GAB2: variants seen among roughly 807,000 people sequenced by gnomAD.
The protein encoded by GAB2 is GRB2 associated binding protein 2.
Under a neutral mutation model 65.5 loss-of-function variants are expected in GAB2, and 26 were observed. The ratio of observed to expected loss-of-function variants is 0.40; its 90% confidence interval spans 0.29 to 0.55. The LOEUF is 0.55. Among genes scored for constraint, GAB2 ranks in the 20% least tolerant of loss-of-function variants. The pLI is 0.53. For missense variants in GAB2, 884 were observed against 875.8 expected, an observed-to-expected ratio of 1.01 and a Z score of -0.12; for synonymous variants, 321 against 329.6, an observed-to-expected ratio of 0.97 and a Z score of 0.28.
At chr11:78,280,997 A>G in intron 1 of GAB2, 96 bp from the exon 2 acceptor site, 1 of 999,926 alleles carries the variant, frequency 1.0e-6, no homozygotes, top group Non-Finnish European at 1.5e-6. Flanking sequence ...CCTGTTGCCC[A>G]GGCTGGAGTG....
intron 2 of GAB2, among the ~76,000 whole-genome samples, chr11:78,252,644 C>A (rs1030449688): frequency 6.6e-6 from 1 of 152,122 alleles, no homozygotes; most frequent in South Asian, 2.1e-4. Flanking sequence ...GACTCTCCAG[C>A]GGGTAATCCT....
At chr11:78,224,560 T>C (rs1220720793) in intron 5 of GAB2, among the ~76,000 whole-genome samples, 1 of 152,200 alleles carries the variant, frequency 6.6e-6, no homozygotes, top group Non-Finnish European at 1.5e-5. Flanking sequence ...TGCCGTGACA[T>C]ACAACTAAGC....
chr11:78,295,295 T>A (rs1866796318), intron 1 of GAB2, among the ~76,000 whole-genome samples: 2 of 152,198 alleles, frequency 1.3e-5, no homozygotes, highest in Admixed American at 1.3e-4. Context: ...CTTTCCTCAT[T>A]TAAGGTAACT....
chr11:78,391,408 G>A (rs953022642), intron 1 of GAB2, among the ~76,000 whole-genome samples: 1 of 152,196 alleles, frequency 6.6e-6, no homozygotes, highest in African/African-American at 2.4e-5. Context: ...GTGGACTTGT[G>A]ACTCCTTCAA....
intron 1 of GAB2, among the ~76,000 whole-genome samples, chr11:78,290,217 A>G (rs937399663): frequency 6.6e-5 from 10 of 152,212 alleles, no homozygotes; most frequent in African/African-American, 2.4e-4. Context: ...ACAAAAGACA[A>G]TGAAAGTCAC....
chr11:78,300,811 C>T (rs1183496330), intron 1 of GAB2, among the ~76,000 whole-genome samples: 1 of 151,496 alleles, frequency 6.6e-6, no homozygotes. Flanking sequence ...TCTCCAGCCT[C>T]AGCCTCCCAA....
intron 3 of GAB2, among the ~76,000 whole-genome samples, chr11:78,245,223 AGATT>A (rs895814260): frequency 3.9e-5 from 6 of 152,184 alleles, no homozygotes; most frequent in Admixed American, 3.9e-4. Context: ...AGATTTCTGG[AGATT>A]GATTATATAA....
chr11:78,246,699 A>C lies in GAB2; in HGVS notation c.620+3458T>G, dbSNP rs549008079. On this transcript the variant is annotated intron_variant, in intron 3 of 9. Coordinates refer to ENST00000361507, the MANE Select transcript of GAB2 (RefSeq NM_080491.3). ...TTTTTAGTAGAGATGGGGTTTCACCATGTTGGCCAGTCTGATCTTCAACTC... is the reference window on the plus strand; with the variant it reads ...TTTTTAGTAGAGATGGGGTTTCACCCTGTTGGCCAGTCTGATCTTCAACTC... Among the ~76,000 whole-genome samples the C allele has an allele frequency of 9.2e-5, 14 of 152,226 alleles. No homozygotes were observed. In the South Asian group the frequency reaches 1.0e-3, roughly 11 times the overall value.
At chr11:78,360,129 C>T (rs937992022) in intron 1 of GAB2, among the ~76,000 whole-genome samples, 2 of 151,954 alleles carry the variant, frequency 1.3e-5, no homozygotes, top group Non-Finnish European at 2.9e-5. Flanking sequence ...CACCGGAAGC[C>T]AAAAGAGGCA....
At chr11:78,310,513 C>CA (rs11285625) in intron 1 of GAB2, among the ~76,000 whole-genome samples, 1,000 of 74,248 alleles carry the variant, frequency 0.013, 6 homozygotes, top group African/African-American at 0.019. Context: ...GACTCTGTCT[C>CA]AAAAAAAAAA....
intron 3 of GAB2, among the ~76,000 whole-genome samples, chr11:78,245,620 G>A (rs1043881998): frequency 1.3e-5 from 2 of 152,206 alleles, no homozygotes; most frequent in African/African-American, 4.8e-5. Flanking sequence ...AAAACCAGGT[G>A]AAAACCTCAC....
intron 1 of GAB2, among the ~76,000 whole-genome samples, chr11:78,417,220 T>TGAG (rs1434461144): frequency 2.3e-4 from 35 of 151,822 alleles, no homozygotes; most frequent in African/African-American, 8.2e-4. Context: ...TGTGGGGCCG[T>TGAG]CCGCGCGGCC....
At chr11:78,339,295 G>T (rs536701698) in intron 1 of GAB2, among the ~76,000 whole-genome samples, 1 of 152,186 alleles carries the variant, frequency 6.6e-6, no homozygotes, top group East Asian at 1.9e-4. Context: ...TTGAAATCCA[G>T]AAAAATATAA....
intron 1 of GAB2, among the ~76,000 whole-genome samples, chr11:78,345,524 C>T (rs1290132424): frequency 2.0e-5 from 3 of 152,166 alleles, no homozygotes; most frequent in African/African-American, 7.2e-5. Flanking sequence ...TCAACACACA[C>T]ATTTTGTAAT....
At position 78,233,595 on chromosome 11, in the gene GAB2, G is replaced by A. The variant is rs191677880; in HGVS notation, c.621-6544C>T. 1.3e-4 allele frequency among the ~76,000 whole-genome samples: 20 copies of A among 151,894 alleles called. No individual in the cohort carries two copies. The East Asian group carries it at 3.1e-3, about 23-fold the overall frequency. ...AGATATGCGCGTTGAATATTTTCTCGCATTTTGTGATTTGTCTTTTTTTTT... is the reference window on the plus strand; with the variant it reads ...AGATATGCGCGTTGAATATTTTCTCACATTTTGTGATTTGTCTTTTTTTTT... On this transcript the variant is annotated intron_variant, in intron 3 of 9. Transcript: ENST00000361507.
Position 78,286,147 on chromosome 11 carries a change from G to A in GAB2, c.76-5246C>T, listed in dbSNP as rs115430124. Among the ~76,000 whole-genome samples, 1,339 of 152,146 alleles carry A rather than the reference G, an allele frequency of 8.8e-3. 19 individuals are homozygous for A. The highest frequency in any genetic ancestry group is 0.03 in the African/African-American group (1,255 of 41,494). On this transcript the variant is annotated intron_variant, in intron 1 of 9. Coordinates refer to ENST00000361507, the MANE Select transcript of GAB2 (RefSeq NM_080491.3). Reference sequence around the variant, plus strand: ...GCTGAGGATACAGCATGAATTCCTCGTCTCACAGAATTTACAGGAGCACTA... The same window carrying A: ...GCTGAGGATACAGCATGAATTCCTCATCTCACAGAATTTACAGGAGCACTA...
intron 3 of GAB2, among the ~76,000 whole-genome samples, chr11:78,242,809 A>G (rs1865177750): frequency 6.6e-6 from 1 of 152,224 alleles, no homozygotes; most frequent in South Asian, 2.1e-4. Flanking sequence ...TTTTCAAAGA[A>G]TAAACAAAAT....
intron 2 of GAB2, among the ~76,000 whole-genome samples, chr11:78,269,973 T>C (rs187620487): frequency 2.6e-5 from 4 of 152,324 alleles, no homozygotes; most frequent in African/African-American, 4.8e-5. Context: ...GTGAGCTAAA[T>C]TGCCTGAGCT....
At chr11:78,250,551 C>A in intron 2 of GAB2, 151 bp from the exon 3 acceptor site, 1 of 695,810 alleles carries the variant, frequency 1.4e-6, no homozygotes, top group Non-Finnish European at 2.4e-6. Context: ...CCCTTGCTGC[C>A]CTCCTGGCCA....
Sources: allele counts gnomAD v4.1 joint callset (sites outside exome capture counted in the v4.1 genomes callset), GRCh38; gene constraint gnomAD v4.1.1; transcripts MANE v1.5; gene names NCBI Gene and HGNC (gene_info 2026-07-23, HGNC 2026-07-21).